Variants in BRD8 observed in about 807,000 individuals in gnomAD.
BRD8 encodes bromodomain-containing protein 8.
Under a neutral mutation model 143.1 loss-of-function variants are expected in BRD8, and 67 were observed. The ratio of observed to expected loss-of-function variants is 0.47; its 90% CI spans 0.38 to 0.57. The LOEUF is 0.57. BRD8 is among the 20% of genes least tolerant of loss of function. The pLI is 0.00. For missense variants in BRD8, 1,103 were observed against 1,503.0 expected, an observed-to-expected ratio of 0.73 and a Z score of 4.40; for synonymous variants, 505 against 517.1, an observed-to-expected ratio of 0.98 and a Z score of 0.32.
chr5:138,146,558 T>C (rs1752157723), intron 23 of BRD8, among the ~76,000 whole-genome samples: 2 of 152,084 alleles, frequency 1.3e-5, no homozygotes, highest in African/African-American at 2.4e-5. Flanking sequence ...AAGGTCCCAC[T>C]ACGTTGCCCA....
rs368744293 is a variant in BRD8 at position 138,170,416 on chromosome 5, A to G, written c.441-7T>C. Reference sequence around the variant, plus strand: ...TTCTTCCAATTTCTTTTTCCTAAACAGGGAATTAAGGGTTAGATGCTAGAC... The same window carrying G: ...TTCTTCCAATTTCTTTTTCCTAAACGGGGAATTAAGGGTTAGATGCTAGAC... On this transcript the variant is annotated splice_region_variant and splice_polypyrimidine_tract_variant and intron_variant, in intron 6 of 26. Transcript: ENST00000254900. 20 of 1,613,930 alleles carry G rather than the reference A, an allele frequency of 1.2e-5. No homozygotes were observed. In the African/African-American group the frequency reaches 2.3e-4, roughly 18 times the overall value.
At chr5:138,159,378 A>T (rs1285753719) in intron 20 of BRD8, among the ~76,000 whole-genome samples, 177 bp downstream of exon 20, 1 of 152,050 alleles carries the variant, frequency 6.6e-6, no homozygotes, top group Non-Finnish European at 1.5e-5. Context: ...ACACACACAC[A>T]CACATGCAGA....
At chr5:138,151,678 T>C (rs1206152313) in intron 21 of BRD8, among the ~76,000 whole-genome samples, 1 of 152,192 alleles carries the variant, frequency 6.6e-6, no homozygotes, top group Non-Finnish European at 1.5e-5. Context: ...ATTTTTTTAC[T>C]TTTGAGACGG....
intron 20 of BRD8, among the ~76,000 whole-genome samples, chr5:138,156,455 CAG>C (rs1752605804): frequency 6.6e-6 from 1 of 152,034 alleles, no homozygotes; most frequent in Non-Finnish European, 1.5e-5. Flanking sequence ...ACTCTTTATA[CAG>C]AGTCTTTAAC....
chr5:138,170,959 A>G (rs371872563), intron 5 of BRD8, 47 bp from the exon 6 acceptor site: 43 of 1,612,598 alleles, frequency 2.7e-5, no homozygotes, highest in Non-Finnish European at 3.4e-5. Context: ...TTAATCTGCT[A>G]TTTTAAAAGT....
At chr5:138,163,703 C>T in intron 14 of BRD8, 1 of 1,169,372 alleles carries the variant, frequency 8.6e-7, no homozygotes, top group Non-Finnish European at 1.2e-6. Flanking sequence ...GGAGCAAGCT[C>T]ACATCACATT....
chr5:138,149,073 GA>G (rs892187735), intron 23 of BRD8, among the ~76,000 whole-genome samples: 9 of 147,378 alleles, frequency 6.1e-5, no homozygotes, highest in African/African-American at 2.2e-4. Flanking sequence ...CTCTATTAAA[GA>G]AAAAAAAAGC....
At chr5:138,167,430 T>A (rs1016385435) in intron 9 of BRD8, among the ~76,000 whole-genome samples, 14 of 152,194 alleles carry the variant, frequency 9.2e-5, no homozygotes, top group Non-Finnish European at 2.1e-4. Flanking sequence ...CCAATAAGGT[T>A]TGTATGGTAT....
rs749535626 is a variant in BRD8, at chr5:138,164,947, C to A, written c.1498G>T (p.Asp500Tyr). The A allele has an allele frequency of 6.2e-7, 1 of 1,614,188 alleles. No individual in the cohort carries two copies. Among genetic ancestry groups the A allele is most frequent in the East Asian group, 2.2e-5 (1 of 44,884 alleles). ...ATCTCTGCACTGGGCTCCCTGATGTCCACCAGTTCATGTATTCCCTTGTTT... is the reference window on the plus strand; with the variant it reads ...ATCTCTGCACTGGGCTCCCTGATGTACACCAGTTCATGTATTCCCTTGTTT... The part of the protein sequence containing the change: ...TENKGIHELV[D>Y]IREPSAEIKV... Residue 500 changes from aspartate (D) to tyrosine (Y), a missense_variant, in exon 12 of 27, where the codon GAC becomes TAC. Asp to Tyr is a radical substitution (Grantham distance 160). Coordinates refer to ENST00000254900, the MANE Select transcript of BRD8 (RefSeq NM_139199.2).
In BRD8 at chr5:138,152,646, C is replaced by A. The variant is rs146791453; in HGVS notation, c.2692G>T (p.Val898Leu). ...SSWDSSLDLD[V>L]GNWRETEDPE... ...TCCTCAGTTTCCCTCCAGTTGCCCA[C>A]ATCAAGATCCAGACTGGAGTCCCAT... The change falls in exon 21 of 27, where the codon GTG (valine) becomes TTG (leucine). Residue 898 changes from valine to leucine, a missense_variant. By Grantham distance (32) the Val-to-Leu change is conservative. Coordinates refer to ENST00000254900, the MANE Select transcript of BRD8 (RefSeq NM_139199.2). 173 of 1,614,106 alleles carry A rather than the reference C, an allele frequency of 1.1e-4. No homozygotes were observed. Among genetic ancestry groups the A allele is most frequent in the Non-Finnish European group, 1.2e-4 (147 of 1,180,062 alleles).
In BRD8 at chr5:138,166,502, C is replaced by G. The variant is rs201875973; in HGVS notation, c.997+16G>C. ...CAAAATGAAATTTTAGATCTAGTGG[C>G]TGCTCAGGGACGCACCTGGAGCTAC... On this transcript the variant is annotated intron_variant, in intron 10 of 26. Transcript: ENST00000254900. The G allele has an allele frequency of 5.2e-6, 8 of 1,549,924 alleles. No homozygotes were observed. The highest frequency in any genetic ancestry group is 8.7e-7 in the Non-Finnish European group (1 of 1,145,514).
chr5:138,174,117 G>A (rs1581461820), intron 2 of BRD8, among the ~76,000 whole-genome samples: 1 of 151,950 alleles, frequency 6.6e-6, no homozygotes, highest in East Asian at 1.9e-4. Context: ...AATCACAAAT[G>A]GAGGATTTAA....
chr5:138,170,442 A>C, intron 6 of BRD8, 33 bp from the exon 7 acceptor site: 3 of 1,612,946 alleles, frequency 1.9e-6, no homozygotes, highest in Non-Finnish European at 2.5e-6. Context: ...GATGCTAGAC[A>C]GCTCTGGCTC....
intron 3 of BRD8, among the ~76,000 whole-genome samples, 174 bp downstream of exon 3, chr5:138,171,891 C>T (rs1337086805): frequency 1.3e-5 from 2 of 151,958 alleles, no homozygotes; most frequent in Admixed American, 1.3e-4. Flanking sequence ...TAAGAAAGGT[C>T]TAATATGATC....
At chr5:138,173,028 A>G (rs1754017612) in intron 2 of BRD8, among the ~76,000 whole-genome samples, 1 of 152,228 alleles carries the variant, frequency 6.6e-6, no homozygotes. Flanking sequence ...GACACTGCAT[A>G]TAATTTTGAA....
chr5:138,153,699 G>A (rs1182319004), intron 20 of BRD8, among the ~76,000 whole-genome samples: 3 of 100,950 alleles, frequency 3.0e-5, no homozygotes, highest in African/African-American at 7.7e-5. Flanking sequence ...TTTTTTGAAC[G>A]AACTTTCACT....
At chr5:138,154,275 T>A (rs1040003374) in intron 20 of BRD8, among the ~76,000 whole-genome samples, 8 of 146,950 alleles carry the variant, frequency 5.4e-5, no homozygotes, top group African/African-American at 2.1e-4. Flanking sequence ...TTCACTCACA[T>A]GTACACCTCC....
chr5:138,157,321 A>T, intron 20 of BRD8: 1 of 1,608,580 alleles, frequency 6.2e-7, no homozygotes, highest in Non-Finnish European at 8.5e-7. Flanking sequence ...GAGACAAGAG[A>T]CGGTGCAACA....
intron 2 of BRD8, 79 bp from the exon 3 acceptor site, chr5:138,172,213 T>C: frequency 1.7e-6 from 2 of 1,208,814 alleles, no homozygotes; most frequent in South Asian, 1.3e-5. Context: ...AGGCTTGGAG[T>C]TCAAACTTTG....
Sources: gnomAD v4.1 joint callset for allele counts (sites outside exome capture counted in the v4.1 genomes callset) on GRCh38, gnomAD v4.1.1 for gene constraint, MANE v1.5 for transcripts, NCBI Gene and HGNC (gene_info 2026-07-23, HGNC 2026-07-21) for gene names.